The following FAM204A variants were observed in gnomAD, a reference collection of about 807,000 sequenced individuals.
FAM204A encodes the protein family with sequence similarity 204 member A.
Under a neutral mutation model 35.4 loss-of-function variants are expected in FAM204A, and 16 were observed. The ratio of observed to expected loss-of-function variants is 0.45; its 90% CI spans 0.31 to 0.69. FAM204A has a LOEUF of 0.69. Among genes scored for constraint, FAM204A ranks in the 30% least tolerant of loss-of-function variants. FAM204A has a pLI of 0.07. For missense variants in FAM204A, 240 were observed against 265.7 expected (o/e 0.90, Z 0.67); for synonymous variants, 76 against 86.9 (o/e 0.88, Z 0.70).
intron 6 of FAM204A, among the ~76,000 whole-genome samples, chr10:118,332,363 T>C (rs529093138): frequency 6.6e-6 from 1 of 151,828 alleles, no homozygotes; most frequent in African/African-American, 2.4e-5. Context: ...CCTATCAACC[T>C]ACCCCACGGA....
At chr10:118,324,449 AAAATGCAATAC>A (rs1182358451) in intron 7 of FAM204A, among the ~76,000 whole-genome samples, 2 of 152,228 alleles carry the variant, frequency 1.3e-5, no homozygotes, top group African/African-American at 4.8e-5. Context: ...CTACATAAGC[AAAATGCAATAC>A]AAACCCAGAA....
intron 2 of FAM204A, among the ~76,000 whole-genome samples, chr10:118,338,835 T>C (rs1236575982): frequency 6.6e-6 from 1 of 152,178 alleles, no homozygotes; most frequent in East Asian, 1.9e-4. Flanking sequence ...TGGGAAGCAG[T>C]CTCAGTTGCC....
chr10:118,317,750 C>T (rs565792495), intron 7 of FAM204A, among the ~76,000 whole-genome samples: 2 of 152,018 alleles, frequency 1.3e-5, no homozygotes, highest in African/African-American at 4.8e-5. Context: ...AATTGTTGAT[C>T]TACATGTAAT....
intron 6 of FAM204A, among the ~76,000 whole-genome samples, chr10:118,330,814 G>C (rs2133286247): frequency 6.6e-6 from 1 of 152,290 alleles, no homozygotes; most frequent in Middle Eastern, 3.4e-3. Flanking sequence ...CAGCTGGCAG[G>C]ATCAGACCTA....
chr10:118,311,452 C>G (rs1226969493), intron 7 of FAM204A, 139 bp from the exon 8 acceptor site: 1 of 680,870 alleles, frequency 1.5e-6, no homozygotes, highest in Non-Finnish European at 2.5e-6. Context: ...CATTCCTTCT[C>G]AAAGTATAAT....
chr10:118,308,346 T>A lies in FAM204A; in HGVS notation c.*2511A>T, dbSNP rs1340338440. On this transcript the variant is annotated 3_prime_UTR_variant, in exon 9 of 9. Coordinates refer to ENST00000369183, the MANE Select transcript of FAM204A (RefSeq NM_022063.3). ...AAAGTTATTACTGATCCAAAAAGAATCCTTATTTTGCTGTGACTAGAATGG... is the reference window on the plus strand; with the variant it reads ...AAAGTTATTACTGATCCAAAAAGAAACCTTATTTTGCTGTGACTAGAATGG... 6.6e-6 allele frequency: 1 copy of A among 152,196 alleles called. No individual in the cohort carries two copies. Among genetic ancestry groups the A allele is most frequent in the Non-Finnish European group, 1.5e-5 (1 of 68,028 alleles). 9.4% of individuals were successfully genotyped at this position (152,196 alleles called of 1,614,324 possible).
chr10:118,333,769 T>G (rs1373499651), intron 6 of FAM204A, among the ~76,000 whole-genome samples: 1 of 152,206 alleles, frequency 6.6e-6, no homozygotes, highest in Non-Finnish European at 1.5e-5. Flanking sequence ...AGATGTAATT[T>G]ATATGGATGA....
chr10:118,323,298 C>G (rs923085843), intron 7 of FAM204A, among the ~76,000 whole-genome samples: 1 of 152,048 alleles, frequency 6.6e-6, no homozygotes, highest in Non-Finnish European at 1.5e-5. Flanking sequence ...GCCTGTCTTA[C>G]GCTTTACTCG....
chr10:118,340,993 T>C (rs1196154822), intron 2 of FAM204A, among the ~76,000 whole-genome samples: 2 of 152,236 alleles, frequency 1.3e-5, no homozygotes, highest in Non-Finnish European at 2.9e-5. Flanking sequence ...TCTTAGCCTA[T>C]AATTACAGAC....
intron 2 of FAM204A, chr10:118,337,318 T>C: frequency 1.3e-6 from 1 of 740,982 alleles, no homozygotes. Flanking sequence ...AGAAGCCGGT[T>C]GTACTGCTCA....
chr10:118,316,856 C>T (rs1334000391), intron 7 of FAM204A, among the ~76,000 whole-genome samples: 1 of 152,052 alleles, frequency 6.6e-6, no homozygotes, highest in African/African-American at 2.4e-5. Context: ...ATGTGGATTA[C>T]AGTATTCCAA....
chr10:118,319,563 T>A (rs548268129), intron 7 of FAM204A, among the ~76,000 whole-genome samples: 2 of 152,122 alleles, frequency 1.3e-5, no homozygotes, highest in East Asian at 3.9e-4. Context: ...CTACTTTTGA[T>A]ACACCGTGGT....
chr10:118,301,759 GCTA>G lies in FAM204A; in HGVS notation c.*9095_*9097del, dbSNP rs923447345. The stretch of plus-strand genomic sequence containing the variant: ...TTAATCCTCACATCTCTATAAGATA[GCTA>G]CTATTATTATCTCCATTTCTCAGGA... On this transcript the variant is annotated 3_prime_UTR_variant, in exon 9 of 9. Transcript: ENST00000369183. 13 of 152,196 alleles carry G rather than the reference GCTA, an allele frequency of 8.5e-5. No homozygotes were observed. Among genetic ancestry groups the G allele is most frequent in the African/African-American group, 3.1e-4 (13 of 41,532 alleles). The allele number at this position is 152,196 out of a possible 1,614,324, so 9.4% of individuals were successfully genotyped here. A position where few individuals can be genotyped will look rare whatever the true frequency, so the allele number is the denominator to read the frequency against.
At position 118,299,578 on chromosome 10, in the gene FAM204A, C is replaced by T. The variant is rs1845786375; in HGVS notation, c.*11279G>A. 6.6e-6 allele frequency: 1 copy of T among 151,790 alleles called. No individual in the cohort carries two copies. The highest frequency in any genetic ancestry group is 2.4e-5 in the African/African-American group (1 of 41,264). 9.4% of individuals were successfully genotyped at this position (151,790 alleles called of 1,614,324 possible). A position where few individuals can be genotyped will look rare whatever the true frequency, so the allele number is the denominator to read the frequency against. On this transcript the variant is annotated 3_prime_UTR_variant, in exon 9 of 9. Coordinates refer to ENST00000369183, the MANE Select transcript of FAM204A (RefSeq NM_022063.3). The stretch of plus-strand genomic sequence containing the variant: ...TTTTATTTTTTGTAGTGATGAAGTC[C>T]TGCTGTTGCTCAGGCTAGTCTTGAA...
rs144874165 is a variant in FAM204A, at chr10:118,305,267, T to G, written c.*5590A>C. Reference sequence around the variant, plus strand: ...AGTCATTATATTTTGGGGGGCATATTTGTAGTAGTAGGAAGCATTACCCTA... The same window carrying G: ...AGTCATTATATTTTGGGGGGCATATGTGTAGTAGTAGGAAGCATTACCCTA... On this transcript the variant is annotated 3_prime_UTR_variant, in exon 9 of 9. Coordinates refer to ENST00000369183, the MANE Select transcript of FAM204A (RefSeq NM_022063.3). The G allele has an allele frequency of 6.6e-6, 1 of 152,288 alleles. No individual in the cohort carries two copies. The highest frequency in any genetic ancestry group is 1.9e-4 in the East Asian group (1 of 5,176). The allele number at this position is 152,288 out of a possible 1,614,324, so 9.4% of individuals were successfully genotyped here. A position where few individuals can be genotyped will look rare whatever the true frequency, so the allele number is the denominator to read the frequency against.
intron 7 of FAM204A, among the ~76,000 whole-genome samples, chr10:118,311,982 C>T (rs948184533): frequency 1.2e-4 from 19 of 152,092 alleles, no homozygotes; most frequent in African/African-American, 3.1e-4. Context: ...ATCCATTCAC[C>T]GTGAAATCCC....
At chr10:118,340,068 C>T (rs573770467) in intron 2 of FAM204A, among the ~76,000 whole-genome samples, 1 of 152,154 alleles carries the variant, frequency 6.6e-6, no homozygotes, top group Non-Finnish European at 1.5e-5. Flanking sequence ...TTTCAAAAAG[C>T]CCAAACTATT....
Position 118,336,178 on chromosome 10 carries a change from C to G in FAM204A, c.234+4G>C. On this transcript the variant is annotated splice_donor_region_variant and intron_variant, in intron 3 of 8. Coordinates refer to ENST00000369183, the MANE Select transcript of FAM204A (RefSeq NM_022063.3). ...GTAGCAAGAGCATTTCAGAGAAAAC[C>G]TACATTCCACATATCTATGGGAATT... is the stretch of plus-strand genomic sequence containing the variant. 1 of 1,612,130 alleles carries G rather than the reference C, an allele frequency of 6.2e-7. No homozygotes were observed. The highest frequency in any genetic ancestry group is 8.5e-7 in the Non-Finnish European group (1 of 1,179,026).
At chr10:118,317,000 GC>G (rs148167361) in intron 7 of FAM204A, among the ~76,000 whole-genome samples, 7 of 152,116 alleles carry the variant, frequency 4.6e-5, no homozygotes, top group African/African-American at 1.7e-4. Flanking sequence ...GCTTTACACA[GC>G]CCCCATAAGA....
Sources: allele counts gnomAD v4.1 joint callset (sites outside exome capture counted in the v4.1 genomes callset), GRCh38; gene constraint gnomAD v4.1.1; transcripts MANE v1.5; gene names NCBI Gene and HGNC (gene_info 2026-07-23, HGNC 2026-07-21).